Variants in PLCL2 observed in about 807,000 individuals in gnomAD.
PLCL2 encodes inactive phospholipase C-like protein 2.
PLCL2 carries 4 observed loss-of-function variants against 79.6 expected under a neutral mutation model. The observed-to-expected ratio is 0.05, with a 90% CI of 0.02 to 0.11. PLCL2 has a LOEUF of 0.11. Among genes scored for constraint, PLCL2 ranks in the 10% least tolerant of loss-of-function variants. The probability of loss-of-function intolerance (pLI) is 1.00; values close to 1 mark genes in which losing one functional copy is unlikely to be tolerated. For synonymous variants in PLCL2, 484 were observed against 457.7 expected, an observed-to-expected ratio of 1.06 and a Z score of -0.73; for missense variants, 895 against 1,291.0, an observed-to-expected ratio of 0.69 and a Z score of 4.70.
At chr3:16,949,469 T>A (rs778722622) in intron 1 of PLCL2, among the ~76,000 whole-genome samples, 1 of 152,202 alleles carries the variant, frequency 6.6e-6, no homozygotes, top group Non-Finnish European at 1.5e-5. Flanking sequence ...TTTAAATATT[T>A]GTTTATCTTT....
chr3:16,947,815 C>T (rs140072530), intron 1 of PLCL2, among the ~76,000 whole-genome samples: 1,653 of 152,094 alleles, frequency 0.011, 30 homozygotes, highest in Admixed American at 0.046. Flanking sequence ...AGTATTTCTC[C>T]GGTTACAAAA....
At chr3:17,029,550 C>G (rs1220426310) in intron 3 of PLCL2, among the ~76,000 whole-genome samples, 1 of 152,010 alleles carries the variant, frequency 6.6e-6, no homozygotes, top group Non-Finnish European at 1.5e-5. Flanking sequence ...GCTCATAAAT[C>G]AATTGTTACA....
intron 1 of PLCL2, among the ~76,000 whole-genome samples, chr3:16,934,223 G>T (rs184705064): frequency 6.6e-6 from 1 of 152,180 alleles, no homozygotes; most frequent in African/African-American, 2.4e-5. Flanking sequence ...TCCACATAAT[G>T]TGGCCAGTGC....
chr3:17,079,646 G>A (rs571676074), intron 5 of PLCL2, among the ~76,000 whole-genome samples: 1 of 152,276 alleles, frequency 6.6e-6, no homozygotes, highest in South Asian at 2.1e-4. Context: ...CTCCTCCGTG[G>A]TGCTGCCGAG....
At chr3:17,024,685 A>G (rs939491438) in intron 3 of PLCL2, among the ~76,000 whole-genome samples, 1 of 152,176 alleles carries the variant, frequency 6.6e-6, no homozygotes, top group African/African-American at 2.4e-5. Flanking sequence ...TGAGTTCCAA[A>G]TCTTTTCAGA....
rs147892791 is a variant in PLCL2, at chr3:17,008,717, G to A, written c.328-957G>A. ...ACAGGCTTCACACTGACTCAGAAGA[G>A]CCCTGGGCTTCACTTAGCTCCTCTG... is the stretch of plus-strand genomic sequence containing the variant. On this transcript the variant is annotated intron_variant, in intron 1 of 5. Coordinates refer to ENST00000615277, the MANE Select transcript of PLCL2 (RefSeq NM_001144382.2). Among the ~76,000 whole-genome samples the A allele has an allele frequency of 7.7e-3, 1,176 of 152,186 alleles. 15 individuals are homozygous for A. Among genetic ancestry groups the A allele is most frequent in the African/African-American group, 0.026 (1,080 of 41,510 alleles).
At chr3:16,925,321 C>A (rs1697221637) in intron 1 of PLCL2, among the ~76,000 whole-genome samples, 1 of 150,622 alleles carries the variant, frequency 6.6e-6, no homozygotes, top group South Asian at 2.1e-4. Flanking sequence ...ATATATTTAT[C>A]TTAGCCAGTT....
rs570220719 is a variant in PLCL2, at chr3:17,023,673, A to G, written c.3018+8762A>G. Among the ~76,000 whole-genome samples, 22 of 152,310 alleles carry G rather than the reference A, an allele frequency of 1.4e-4. 1 individual carries two copies. The highest frequency in any genetic ancestry group is 1.3e-3 in the Admixed American group (20 of 15,288). On this transcript the variant is annotated intron_variant, in intron 3 of 5. Transcript: ENST00000615277. Reference sequence around the variant, plus strand: ...TCTCGGGTATGTCTTTATCAGCAGCATGAAAACAGACTAATACACTCGATA... The same window carrying G: ...TCTCGGGTATGTCTTTATCAGCAGCGTGAAAACAGACTAATACACTCGATA...
At chr3:17,060,732 T>C (rs1253513733) in intron 4 of PLCL2, among the ~76,000 whole-genome samples, 2 of 152,230 alleles carry the variant, frequency 1.3e-5, no homozygotes, top group Non-Finnish European at 1.5e-5. Flanking sequence ...AAGGTACTTT[T>C]AATACTGTTG....
At chr3:16,897,729 G>T (rs1052183388) in intron 1 of PLCL2, among the ~76,000 whole-genome samples, 1 of 152,216 alleles carries the variant, frequency 6.6e-6, no homozygotes, top group African/African-American at 2.4e-5. Context: ...GGGTTGGCAC[G>T]TCATGACCTT....
At chr3:16,942,880 A>T (rs1359607234) in intron 1 of PLCL2, among the ~76,000 whole-genome samples, 1 of 152,248 alleles carries the variant, frequency 6.6e-6, no homozygotes, top group Non-Finnish European at 1.5e-5. Context: ...TAGACCACGT[A>T]TCTAAAAATG....
rs935450813 is a variant in PLCL2, at chr3:17,036,604, C to A, written c.3019-6270C>A. Among the ~76,000 whole-genome samples, 29 of 152,138 alleles carry A rather than the reference C, an allele frequency of 1.9e-4. 1 individual carries two copies. Among genetic ancestry groups the A allele is most frequent in the Admixed American group, 1.3e-4 (2 of 15,268 alleles). ...AAAAAGCACCAAAGCTTACAAATTC[C>A]CAAGGGCATCTTGATCTTACTTTCT... On this transcript the variant is annotated intron_variant, in intron 3 of 5. Coordinates refer to ENST00000615277, the MANE Select transcript of PLCL2 (RefSeq NM_001144382.2).
intron 5 of PLCL2, among the ~76,000 whole-genome samples, chr3:17,075,889 T>C (rs9681419): frequency 0.012 from 1,883 of 152,372 alleles, 31 homozygotes; most frequent in African/African-American, 0.042. Flanking sequence ...TTCTGTTTTA[T>C]GGATATAACA....
chr3:17,053,232 G>C (rs922370445), intron 4 of PLCL2, among the ~76,000 whole-genome samples: 1 of 152,182 alleles, frequency 6.6e-6, no homozygotes, highest in Non-Finnish European at 1.5e-5. Context: ...CAGCTTCTGT[G>C]TAGGTCTCAG....
At chr3:17,061,163 T>C (rs1360973405) in intron 4 of PLCL2, among the ~76,000 whole-genome samples, 4 of 152,230 alleles carry the variant, frequency 2.6e-5, no homozygotes, top group Non-Finnish European at 5.9e-5. Flanking sequence ...TGAAAGGTCG[T>C]CTGCTTTACG....
intron 1 of PLCL2, among the ~76,000 whole-genome samples, chr3:17,006,304 T>C (rs776575273): frequency 6.6e-6 from 1 of 152,208 alleles, no homozygotes; most frequent in Non-Finnish European, 1.5e-5. Flanking sequence ...AATTTGGGGC[T>C]CAGTCTCCTG....
chr3:16,985,383 G>A (rs922161186), intron 1 of PLCL2, among the ~76,000 whole-genome samples: 2 of 152,040 alleles, frequency 1.3e-5, no homozygotes, highest in East Asian at 3.8e-4. Context: ...TAAACTAAAG[G>A]CCAAAATAGA....
chr3:16,965,104 G>A (rs1338479101), intron 1 of PLCL2, among the ~76,000 whole-genome samples: 7 of 151,996 alleles, frequency 4.6e-5, no homozygotes, highest in Non-Finnish European at 8.8e-5. Context: ...CCATGCCTAT[G>A]TCCTGAATGG....
intron 5 of PLCL2, among the ~76,000 whole-genome samples, chr3:17,068,335 A>G (rs1016705881): frequency 2.6e-5 from 4 of 152,218 alleles, no homozygotes; most frequent in Admixed American, 2.0e-4. Flanking sequence ...TCCTTGAGAC[A>G]TTTTAAAGTT....
Sources: allele counts gnomAD v4.1 joint callset (sites outside exome capture counted in the v4.1 genomes callset), GRCh38; gene constraint gnomAD v4.1.1; transcripts MANE v1.5; gene names NCBI Gene and HGNC (gene_info 2026-07-23, HGNC 2026-07-21).